The following RGSL1 variants were observed in gnomAD, a reference collection of about 807,000 sequenced individuals.
The protein encoded by RGSL1 is regulator of G protein signaling protein-like.
In RGSL1, 97 loss-of-function variants were observed where a neutral mutation model predicts 124.7. That is an observed-to-expected ratio of 0.78 (90% CI 0.66 to 0.92). The LOEUF is 0.92. RGSL1 is among the 40% of genes least tolerant of loss of function. RGSL1 has a pLI of 0.00. For synonymous variants in RGSL1, 424 were observed against 438.1 expected (o/e 0.97, Z 0.40); for missense variants, 1,233 against 1,288.4 (o/e 0.96, Z 0.66).
chr1:182,547,225 G>A (rs1660266927), intron 15 of RGSL1, among the ~76,000 whole-genome samples: 1 of 152,228 alleles, frequency 6.6e-6, no homozygotes, highest in Non-Finnish European at 1.5e-5. Flanking sequence ...GTTAGGAAGT[G>A]TCTCAGGATG....
At chr1:182,526,213 G>A (rs1366364381) in intron 10 of RGSL1, among the ~76,000 whole-genome samples, 1 of 152,126 alleles carries the variant, frequency 6.6e-6, no homozygotes, top group Non-Finnish European at 1.5e-5. Context: ...AGTGAAAGAA[G>A]TAACACTTGC....
upstream of RGSL1, chr1:182,448,097 T>C (rs1171299647): frequency 1.3e-5 from 2 of 152,206 alleles, no homozygotes; most frequent in Admixed American, 6.5e-5. Context: ...AACTGTGCAC[T>C]TGGGAAAAGG....
intron 5 of RGSL1, among the ~76,000 whole-genome samples, chr1:182,472,946 G>A (rs764118697): frequency 1.6e-4 from 25 of 152,230 alleles, no homozygotes; most frequent in Non-Finnish European, 2.8e-4. Context: ...AGCTAAGACC[G>A]TTTTTACATT....
At chr1:182,538,482 C>T (rs1044835058) in intron 14 of RGSL1, among the ~76,000 whole-genome samples, 3 of 151,610 alleles carry the variant, frequency 2.0e-5, no homozygotes, top group Non-Finnish European at 4.4e-5. Context: ...GAGCTGAGAT[C>T]GTGCCACTGC....
At chr1:182,451,803 T>C (rs1183824045) in intron 1 of RGSL1, among the ~76,000 whole-genome samples, 1 of 151,270 alleles carries the variant, frequency 6.6e-6, no homozygotes, top group Non-Finnish European at 1.5e-5. Flanking sequence ...AGGTGGGAGC[T>C]AGGGAGACCA....
intron 9 of RGSL1, among the ~76,000 whole-genome samples, chr1:182,509,529 C>G (rs1347406920): frequency 2.8e-4 from 28 of 100,126 alleles, no homozygotes; most frequent in Admixed American, 4.2e-4. Context: ...GGCAGCTGGC[C>G]GGGTGGGGGG....
upstream of RGSL1, among the ~76,000 whole-genome samples, chr1:182,448,976 C>T (rs1651635234): frequency 6.6e-6 from 1 of 152,156 alleles, no homozygotes; most frequent in Non-Finnish European, 1.5e-5. Context: ...TATATTACTA[C>T]TGTATATGCC....
chr1:182,503,985 T>C (rs1191309491), intron 9 of RGSL1, among the ~76,000 whole-genome samples: 3 of 144,880 alleles, frequency 2.1e-5, no homozygotes, highest in African/African-American at 7.6e-5. Context: ...TTTTTTTTTT[T>C]TTTTTTTTTT....
At chr1:182,512,982 G>A (rs1452577433) in intron 9 of RGSL1, among the ~76,000 whole-genome samples, 1 of 152,174 alleles carries the variant, frequency 6.6e-6, no homozygotes, top group Non-Finnish European at 1.5e-5. Context: ...CTGGGGTTTG[G>A]GGTTTATATG....
rs1485890793 is a variant in RGSL1 at position 182,504,864 on chromosome 1, A to G, written c.1825+11735A>G. Among the ~76,000 whole-genome samples, 4 of 152,276 alleles carry G rather than the reference A, an allele frequency of 2.6e-5. No individual in the cohort carries two copies. In the East Asian group the frequency reaches 7.7e-4, roughly 29 times the overall value. ...CAACACTTAGCTAGCTAGACCACTTATATAACTCTTCTTTAGCCTTCACTC... is the reference window on the plus strand; with the variant it reads ...CAACACTTAGCTAGCTAGACCACTTGTATAACTCTTCTTTAGCCTTCACTC... On this transcript the variant is annotated intron_variant, in intron 9 of 21. Transcript: ENST00000294854.
chr1:182,540,295 CA>C lies in RGSL1; in HGVS notation c.2546del (p.Asn849MetfsTer12). 6.4e-7 allele frequency: 1 copy of C among 1,551,594 alleles called. No individual in the cohort carries two copies. Among genetic ancestry groups the C allele is most frequent in the Non-Finnish European group, 8.7e-7 (1 of 1,146,836 alleles). On this transcript the variant is annotated frameshift_variant, in exon 15 of 22. Transcript: ENST00000294854. LOFTEE classifies it high-confidence loss of function. ...TCGGGACGTTCAGCTCCACCCTCCA[CA>C]AATGTCCGGAGTGCAGACCAAGAGA... ...NTSGRSAPPS[T>X]NVRSADQENG...
At chr1:182,454,075 T>C in intron 2 of RGSL1, 35 bp downstream of exon 2, 1 of 1,235,016 alleles carries the variant, frequency 8.1e-7, no homozygotes, top group Non-Finnish European at 1.2e-6. Context: ...AAATATTTCA[T>C]CAGCAGCTGA....
chr1:182,486,036 C>T (rs900583980), intron 6 of RGSL1, among the ~76,000 whole-genome samples: 50 of 152,200 alleles, frequency 3.3e-4, no homozygotes, highest in African/African-American at 1.2e-3. Flanking sequence ...GTTTGCAGAA[C>T]CTTCATCTAT....
At chr1:182,472,178 G>C (rs1296159562) in intron 4 of RGSL1, among the ~76,000 whole-genome samples, 3 of 152,088 alleles carry the variant, frequency 2.0e-5, no homozygotes, top group Non-Finnish European at 4.4e-5. Context: ...GCAACAAAAA[G>C]TCAAAGGATT....
chr1:182,450,119 G>A (rs996156050), upstream of RGSL1: 2 of 1,551,286 alleles, frequency 1.3e-6, no homozygotes, highest in East Asian at 2.4e-5. Context: ...TGACTGGGGG[G>A]TAATTCTGCC....
chr1:182,487,179 T>C (rs1655156968), intron 6 of RGSL1, among the ~76,000 whole-genome samples: 1 of 152,158 alleles, frequency 6.6e-6, no homozygotes. Flanking sequence ...GCCAAGGAGA[T>C]TTGTTAAAGC....
In RGSL1 at chr1:182,489,285, A is replaced by G. The variant is rs1358080639; in HGVS notation, c.1717+83A>G. 8 of 1,236,054 alleles carry G rather than the reference A, an allele frequency of 6.5e-6. No homozygotes were observed. The African/African-American group carries it at 1.2e-4, about 19-fold the overall frequency. The allele number at this position is 1,236,054 out of a possible 1,614,324, so 76.6% of individuals were successfully genotyped here. Reference sequence around the variant, plus strand: ...ATTTAACATTTACTAATTATTTACTAAGCGTCAGCACTATGCAGTGCAGGG... The same window carrying G: ...ATTTAACATTTACTAATTATTTACTGAGCGTCAGCACTATGCAGTGCAGGG... On this transcript the variant is annotated intron_variant, in intron 8 of 21. Transcript: ENST00000294854.
upstream of RGSL1, chr1:182,450,047 G>C: frequency 2.5e-6 from 3 of 1,210,590 alleles, no homozygotes; most frequent in Admixed American, 4.0e-5. Context: ...ATCACTGCCA[G>C]ATAGAATCTG....
At chr1:182,555,981 C>T in intron 20 of RGSL1, 43 bp from the exon 21 acceptor site, 1 of 1,502,578 alleles carries the variant, frequency 6.7e-7, no homozygotes, top group Non-Finnish European at 9.1e-7. Context: ...ACCTCAATTA[C>T]TGCATCATAA....
Sources: gnomAD v4.1 joint callset for allele counts (sites outside exome capture counted in the v4.1 genomes callset) on GRCh38, gnomAD v4.1.1 for gene constraint, MANE v1.5 for transcripts, NCBI Gene and HGNC (gene_info 2026-07-23, HGNC 2026-07-21) for gene names.